Variants in POLH observed in about 807,000 individuals in gnomAD.
POLH encodes DNA polymerase eta transcript.
POLH carries 53 observed loss-of-function variants against 73.6 expected under a neutral mutation model. The ratio of observed to expected loss-of-function variants is 0.72; its 90% CI spans 0.58 to 0.91. The LOEUF (loss-of-function observed/expected upper bound fraction) is 0.91. POLH is among the 40% of genes least tolerant of loss of function. The pLI is 0.00. For missense variants in POLH, 768 were observed against 865.4 expected (o/e 0.89, Z 1.41); for synonymous variants, 292 against 308.5 (o/e 0.95, Z 0.56).
intron 9 of POLH, among the ~76,000 whole-genome samples, chr6:43,610,305 T>C (rs181119360): frequency 2.2e-4 from 33 of 152,258 alleles, no homozygotes; most frequent in African/African-American, 7.5e-4. Context: ...CTTCAGGTGA[T>C]CCACCTGTCT....
chr6:43,597,906 C>T (rs1192691554), intron 5 of POLH, 41 bp downstream of exon 5: 1 of 1,532,980 alleles, frequency 6.5e-7, no homozygotes, highest in East Asian at 2.2e-5. Flanking sequence ...ACATTGATAT[C>T]CTTAGTCAAA....
chr6:43,604,411 C>A (rs1445508114), intron 7 of POLH, among the ~76,000 whole-genome samples: 3 of 152,092 alleles, frequency 2.0e-5, no homozygotes, highest in African/African-American at 7.2e-5. Context: ...GAAGACAAAA[C>A]CAGTGTTCTC....
Position 43,616,145 on chromosome 6 carries a change from T to C in POLH, c.*1588T>C, listed in dbSNP as rs1438746701. Reference sequence around the variant, plus strand: ...ACAAAAAAAAATTAGCCGGGTGCGGTGGCAGGCGCCTGTAGTCCCAGCTAC... The same window carrying C: ...ACAAAAAAAAATTAGCCGGGTGCGGCGGCAGGCGCCTGTAGTCCCAGCTAC... On this transcript the variant is annotated 3_prime_UTR_variant, in exon 11 of 11. Coordinates refer to ENST00000372236, the MANE Select transcript of POLH (RefSeq NM_006502.3). Among the ~76,000 whole-genome samples, 1 of 151,262 alleles carries C rather than the reference T, an allele frequency of 6.6e-6. No individual in the cohort carries two copies. Among genetic ancestry groups the C allele is most frequent in the African/African-American group, 2.4e-5 (1 of 41,126 alleles).
intron 5 of POLH, among the ~76,000 whole-genome samples, chr6:43,600,206 G>A (rs1038337816): frequency 2.0e-5 from 3 of 150,886 alleles, no homozygotes; most frequent in African/African-American, 2.4e-5. Flanking sequence ...GAGGCGGGTC[G>A]ACAGATCTCA....
chr6:43,601,184 G>C, intron 6 of POLH, 93 bp downstream of exon 6: 1 of 894,590 alleles, frequency 1.1e-6, no homozygotes, highest in Non-Finnish European at 1.9e-6. Flanking sequence ...AAGGACTGGA[G>C]CCAGGGGAAA....
chr6:43,604,114 A>G, intron 7 of POLH, 103 bp downstream of exon 7: 1 of 972,808 alleles, frequency 1.0e-6, no homozygotes, highest in Non-Finnish European at 1.6e-6. Flanking sequence ...TTAGGTTAAC[A>G]TTTGTTTCTT....
At position 43,583,043 on chromosome 6, in the gene POLH, A is replaced by G. The variant is rs766522721; in HGVS notation, c.174A>G (p.Gly58=). 2 of 1,613,516 alleles carry G rather than the reference A, an allele frequency of 1.2e-6. No homozygotes were observed. Among genetic ancestry groups the G allele is most frequent in the Admixed American group, 1.7e-5 (1 of 60,006 alleles). ...TGAGTTATGAAGCTCGTGCATTTGG[A>G]GTCACTAGAAGTATGTGGGCAGATG... ...IAVSYEARAF[G]VTRSMWADDA... The change falls in exon 3 of 11, where the codon GGA becomes GGG. Residue 58 remains glycine, a synonymous_variant. Coordinates refer to ENST00000372236, the MANE Select transcript of POLH (RefSeq NM_006502.3).
intron 10 of POLH, among the ~76,000 whole-genome samples, chr6:43,613,164 A>G (rs747257281): frequency 6.6e-6 from 1 of 152,190 alleles, no homozygotes; most frequent in African/African-American, 2.4e-5. Context: ...GTGGAATTTC[A>G]TTCTCTAGAA....
At position 43,593,924 on chromosome 6, in the gene POLH, G is replaced by C. The variant is rs181391019; in HGVS notation, c.491-3772G>C. On this transcript the variant is annotated intron_variant, in intron 4 of 10. Transcript: ENST00000372236. The stretch of plus-strand genomic sequence containing the variant: ...AGAAAGAAAGAAAAGTTTTTTCTCA[G>C]CTTTCATGGGCATTTAACACCAGAA... 7.1e-3 allele frequency among the ~76,000 whole-genome samples: 1,058 copies of C among 149,624 alleles called. 8 individuals are homozygous for C. Among genetic ancestry groups the C allele is most frequent in the African/African-American group, 0.025 (1,009 of 40,672 alleles).
chr6:43,615,169 CAGA>C lies in POLH; in HGVS notation c.*617_*619del, dbSNP rs1327893124. 6.5e-6 allele frequency: 1 copy of C among 152,896 alleles called. No individual in the cohort carries two copies. The highest frequency in any genetic ancestry group is 6.5e-5 in the Admixed American group (1 of 15,332). 9.5% of individuals were successfully genotyped at this position (152,896 alleles called of 1,614,324 possible). ...GATCCCAGCTACTTAGAGGCTGAGG[CAGA>C]AGAATTGCTTTAACCTTGGAGGCGG... On this transcript the variant is annotated 3_prime_UTR_variant, in exon 11 of 11. Coordinates refer to ENST00000372236, the MANE Select transcript of POLH (RefSeq NM_006502.3).
At chr6:43,584,396 G>A (rs1764590874) in intron 3 of POLH, among the ~76,000 whole-genome samples, 1 of 152,124 alleles carries the variant, frequency 6.6e-6, no homozygotes, top group African/African-American at 2.4e-5. Flanking sequence ...TGAAGATTAA[G>A]TTTTCCAAAT....
intron 6 of POLH, 49 bp from the exon 7 acceptor site, chr6:43,603,843 T>G: frequency 6.2e-7 from 1 of 1,602,146 alleles, no homozygotes; most frequent in Non-Finnish European, 8.5e-7. Flanking sequence ...TGCTGCTAAT[T>G]AGATAGTTAT....
Position 43,583,290 on chromosome 6 carries a change from A to G in POLH, c.272+149A>G, listed in dbSNP as rs1314740622. On this transcript the variant is annotated intron_variant, in intron 3 of 10. Coordinates refer to ENST00000372236, the MANE Select transcript of POLH (RefSeq NM_006502.3). ...CCATCTTGTCTCTGTGAAATGAAAA[A>G]CAGATTTTAATATTGTGTTTTGGGG... 4 of 731,446 alleles carry G rather than the reference A, an allele frequency of 5.5e-6. No individual in the cohort carries two copies. The Admixed American group carries it at 7.2e-5, about 13-fold the overall frequency. 45.3% of individuals were successfully genotyped at this position (731,446 alleles called of 1,614,324 possible).
chr6:43,618,512 C>T lies in POLH; in HGVS notation c.*3955C>T, dbSNP rs1768493311. 6.6e-6 allele frequency among the ~76,000 whole-genome samples: 1 copy of T among 152,136 alleles called. No homozygotes were observed. The highest frequency in any genetic ancestry group is 1.5e-5 in the Non-Finnish European group (1 of 68,022). Reference sequence around the variant, plus strand: ...TGAAAAGTCAGCTCTTTTGGCTTTTCTGTTATGGGGAAACTTGAATTACAC... The same window carrying T: ...TGAAAAGTCAGCTCTTTTGGCTTTTTTGTTATGGGGAAACTTGAATTACAC... On this transcript the variant is annotated 3_prime_UTR_variant, in exon 11 of 11. Coordinates refer to ENST00000372236, the MANE Select transcript of POLH (RefSeq NM_006502.3).
At chr6:43,580,066 G>T (rs1444428171) in intron 1 of POLH, among the ~76,000 whole-genome samples, 1 of 148,956 alleles carries the variant, frequency 6.7e-6, no homozygotes, top group Non-Finnish European at 1.5e-5. Context: ...GCCTTCCGCA[G>T]TGTTTGTGTC....
chr6:43,604,617 C>T lies in POLH; in HGVS notation c.887C>T (p.Ser296Phe), dbSNP rs200149644. 6.2e-5 allele frequency: 100 copies of T among 1,613,854 alleles called. No individual in the cohort carries two copies. Among genetic ancestry groups the T allele is most frequent in the Non-Finnish European group, 1.0e-5 (12 of 1,179,888 alleles). ...ACGTTTTTTGCTGGTCTTATTAGGT[C>T]TTGGCTATATGCCATGTGCCGAGGG... The part of the protein sequence containing the change: ...LQSHFGEKNG[S>F]WLYAMCRGIE... Residue 296 changes from serine (S) to phenylalanine (F), a missense_variant and splice_region_variant, in exon 8 of 11, where the codon TCT becomes TTT. By Grantham distance (155) the Ser-to-Phe change is radical. Coordinates refer to ENST00000372236, the MANE Select transcript of POLH (RefSeq NM_006502.3).
At position 43,588,518 on chromosome 6, in the gene POLH, C is replaced by G. The variant is rs112099517; in HGVS notation, c.490+1029C>G. On this transcript the variant is annotated intron_variant, in intron 4 of 10. Transcript: ENST00000372236. The stretch of plus-strand genomic sequence containing the variant: ...CCTGGCTGGAGTGCAGTGGCATGAT[C>G]TCAGCTCGCTGCAACCTCCGCCTCC... 7.0e-4 allele frequency: 106 copies of G among 152,218 alleles called. 1 individual carries two copies. Among genetic ancestry groups the G allele is most frequent in the African/African-American group, 2.4e-3 (101 of 41,492 alleles). 9.4% of individuals were successfully genotyped at this position (152,218 alleles called of 1,614,324 possible).
chr6:43,587,013 A>G (rs1186735694), intron 3 of POLH, among the ~76,000 whole-genome samples: 1 of 152,176 alleles, frequency 6.6e-6, no homozygotes, highest in Non-Finnish European at 1.5e-5. Flanking sequence ...ACGTGTTCAT[A>G]GTCTGAATGC....
chr6:43,587,206 G>A, intron 3 of POLH, 66 bp from the exon 4 acceptor site: 2 of 1,133,704 alleles, frequency 1.8e-6, no homozygotes, highest in South Asian at 2.5e-5. Flanking sequence ...CAGGGTGGGA[G>A]TGGAGCAGAC....
Sources: allele counts gnomAD v4.1 joint callset (sites outside exome capture counted in the v4.1 genomes callset), GRCh38; gene constraint gnomAD v4.1.1; transcripts MANE v1.5; gene names NCBI Gene and HGNC (gene_info 2026-07-23, HGNC 2026-07-21).